Variants in ASB3 observed in about 807,000 individuals in gnomAD.
ASB3 encodes ankyrin repeat and SOCS box protein 3.
A neutral mutation model predicts 54.5 loss-of-function variants in ASB3; 41 were observed. That is an observed-to-expected ratio of 0.75 (90% CI 0.59 to 0.98). The LOEUF (loss-of-function observed/expected upper bound fraction) is 0.98. Among genes scored for constraint, ASB3 ranks in the 50% least tolerant of loss-of-function variants. ASB3 has a pLI of 0.00. For missense variants in ASB3, 733 were observed against 620.0 expected, an observed-to-expected ratio of 1.18 and a Z score of -1.94; for synonymous variants, 266 against 221.2, an observed-to-expected ratio of 1.20 and a Z score of -1.80.
intron 5 of ASB3, 37 bp downstream of exon 5, chr2:53,728,675 T>G (rs774061015): frequency 1.4e-6 from 2 of 1,448,156 alleles, no homozygotes; most frequent in South Asian, 3.4e-5. Context: ...TTAAAGCTCA[T>G]GATCTTAACA....
At chr2:53,721,318 G>C (rs1670695328) in intron 5 of ASB3, among the ~76,000 whole-genome samples, 1 of 149,214 alleles carries the variant, frequency 6.7e-6, no homozygotes, top group African/African-American at 2.5e-5. Flanking sequence ...ATTTTGGGAG[G>C]CCAAGGCAGG....
At chr2:53,705,445 T>C (rs927838005) in intron 7 of ASB3, among the ~76,000 whole-genome samples, 4 of 152,342 alleles carry the variant, frequency 2.6e-5, no homozygotes, top group African/African-American at 7.2e-5. Context: ...CAAGGACTAC[T>C]GTACACCATA....
intron 3 of ASB3, among the ~76,000 whole-genome samples, chr2:53,746,902 TTACCATTTACA>T (rs1242029448): frequency 6.6e-6 from 1 of 152,074 alleles, no homozygotes; most frequent in Non-Finnish European, 1.5e-5. Context: ...CAATACAAAT[TTACCATTTACA>T]AAATGGTAAA....
At chr2:53,734,829 G>A (rs1296844201) in intron 3 of ASB3, among the ~76,000 whole-genome samples, 1 of 151,220 alleles carries the variant, frequency 6.6e-6, no homozygotes, top group African/African-American at 2.4e-5. Context: ...TAGTTTAGTT[G>A]TTCTATCCTA....
chr2:53,768,552 A>G (rs1558571455), intron 1 of ASB3, among the ~76,000 whole-genome samples: 1 of 152,258 alleles, frequency 6.6e-6, no homozygotes, highest in Non-Finnish European at 1.5e-5. Context: ...ACAGGATTGC[A>G]GAATGAGTTT....
chr2:53,691,327 A>G (rs941565982), intron 9 of ASB3, among the ~76,000 whole-genome samples: 2 of 152,216 alleles, frequency 1.3e-5, no homozygotes, highest in Non-Finnish European at 2.9e-5. Context: ...GCTCAAATAA[A>G]AAATGGGAGA....
rs149162759 is a variant in ASB3 at position 53,729,551 on chromosome 2, T to G, written c.375A>C (p.Ile125=). 5 of 1,613,820 alleles carry G rather than the reference T, an allele frequency of 3.1e-6. No homozygotes were observed. Among genetic ancestry groups the G allele is most frequent in the Non-Finnish European group, 3.4e-6 (4 of 1,179,756 alleles). ...GTTGAAGCAACAGCCTTAACACATC[T>G]ATCTGTCCATTTTCAACAGCTGTAA... ...PLFLAVENGQ[I]DVLRLLLQHG... is the part of the protein sequence containing the mutation. The change falls in exon 4 of 10, where the codon ATA becomes ATC. Residue 125 remains isoleucine, a synonymous_variant. Transcript: ENST00000263634.
intron 1 of ASB3, among the ~76,000 whole-genome samples, chr2:53,784,925 C>T (rs1674854180): frequency 6.6e-6 from 1 of 152,226 alleles, no homozygotes; most frequent in African/African-American, 2.4e-5. Context: ...ATGATCTTCA[C>T]AAATGTACAT....
intron 1 of ASB3, among the ~76,000 whole-genome samples, chr2:53,775,618 G>A (rs1172501812): frequency 6.6e-6 from 1 of 152,208 alleles, no homozygotes; most frequent in African/African-American, 2.4e-5. Flanking sequence ...TGGGATTACA[G>A]GCATGTGCCA....
chr2:53,785,951 T>C (rs1473255585), intron 1 of ASB3, among the ~76,000 whole-genome samples: 1 of 152,130 alleles, frequency 6.6e-6, no homozygotes, highest in African/African-American at 2.4e-5. Context: ...TTATCTTCTT[T>C]GATACTATGG....
intron 2 of ASB3, among the ~76,000 whole-genome samples, chr2:53,764,969 A>C (rs1174281349): frequency 1.3e-5 from 2 of 152,246 alleles, no homozygotes. Context: ...AAAATTCCCA[A>C]AAGTATTAAA....
At chr2:53,777,424 T>C in intron 1 of ASB3, among the ~76,000 whole-genome samples, 1 of 152,214 alleles carries the variant, frequency 6.6e-6, no homozygotes, top group Non-Finnish European at 1.5e-5. Flanking sequence ...TTTCATTGTG[T>C]TTCCAGTTAC....
intron 9 of ASB3, among the ~76,000 whole-genome samples, chr2:53,671,690 C>T (rs1251773159): frequency 1.4e-5 from 2 of 145,246 alleles, no homozygotes; most frequent in African/African-American, 5.3e-5. Flanking sequence ...ACCTGGGAGG[C>T]GGAGGTTGCA....
intron 1 of ASB3, chr2:53,768,243 C>T (rs2287341): frequency 0.2 from 103,197 of 523,914 alleles, 12,381 homozygotes; most frequent in East Asian, 0.42. Flanking sequence ...GGTGGTTAGT[C>T]TCTAGAGACG....
Position 53,738,274 on chromosome 2 carries a change from T to G in ASB3, c.356-8704A>C, listed in dbSNP as rs78356359. Among the ~76,000 whole-genome samples, 788 of 152,332 alleles carry G rather than the reference T, an allele frequency of 5.2e-3. 9 individuals carry two copies. The highest frequency in any genetic ancestry group is 0.018 in the African/African-American group (740 of 41,578). On this transcript the variant is annotated intron_variant, in intron 3 of 9. Transcript: ENST00000263634. ...TTCGCCTTTTTATGTGAGACCCATC[T>G]AGGACCACATGTTAGGGCAAAGGAG...
chr2:53,720,783 T>C (rs1436077330), intron 5 of ASB3, among the ~76,000 whole-genome samples: 1 of 152,104 alleles, frequency 6.6e-6, no homozygotes, highest in Admixed American at 6.6e-5. Flanking sequence ...GAATATATAT[T>C]CTTCTCAACA....
chr2:53,728,657 A>G (rs1671137239), intron 5 of ASB3, 55 bp downstream of exon 5: 1 of 1,409,164 alleles, frequency 7.1e-7, no homozygotes. Flanking sequence ...TCCTCTAGGA[A>G]ATATAGTTTA....
intron 9 of ASB3, among the ~76,000 whole-genome samples, chr2:53,687,838 C>T (rs1668710674): frequency 6.6e-6 from 1 of 152,110 alleles, no homozygotes; most frequent in Non-Finnish European, 1.5e-5. Flanking sequence ...TTTTAAGAGA[C>T]AGGATCAGGC....
At chr2:53,712,867 CT>C in intron 7 of ASB3, among the ~76,000 whole-genome samples, 1 of 152,220 alleles carries the variant, frequency 6.6e-6, no homozygotes, top group African/African-American at 2.4e-5. Flanking sequence ...AGAAAGGCAA[CT>C]AAAAGTTATC....
Sources: allele counts gnomAD v4.1 joint callset (sites outside exome capture counted in the v4.1 genomes callset), GRCh38; gene constraint gnomAD v4.1.1; transcripts MANE v1.5; gene names NCBI Gene and HGNC (gene_info 2026-07-23, HGNC 2026-07-21).